The following FRS2 variants were observed in gnomAD, a reference collection of about 807,000 sequenced individuals.
The protein encoded by FRS2 is FGFR signalling adaptor.
FRS2 carries 8 observed loss-of-function variants against 43.9 expected under a neutral mutation model. The observed-to-expected ratio is 0.18, with a 90% CI of 0.11 to 0.33. The LOEUF is 0.33. Ranked by LOEUF, FRS2 falls within the 10% of genes least tolerant of loss-of-function variation. The pLI is 1.00. For synonymous variants in FRS2, 219 were observed against 220.3 expected (o/e 0.99, Z 0.05); for missense variants, 534 against 627.6 (o/e 0.85, Z 1.59).
At chr12:69,480,926 C>T (rs1484328020) in intron 1 of FRS2, among the ~76,000 whole-genome samples, 1 of 151,806 alleles carries the variant, frequency 6.6e-6, no homozygotes, top group Non-Finnish European at 1.5e-5. Context: ...GTTCTCGTAA[C>T]TTTATGTTAG....
chr12:69,549,695 A>T (rs557541275), intron 3 of FRS2, among the ~76,000 whole-genome samples: 1 of 152,324 alleles, frequency 6.6e-6, no homozygotes, highest in South Asian at 2.1e-4. Flanking sequence ...ATTCCATAAG[A>T]TGGAAATTTG....
chr12:69,576,799 C>A lies in FRS2; in HGVS notation c.*1844C>A, dbSNP rs1881221009. 6.6e-6 allele frequency: 1 copy of A among 152,364 alleles called. No homozygotes were observed. The highest frequency in any genetic ancestry group is 1.5e-5 in the Non-Finnish European group (1 of 67,996). 9.4% of individuals were successfully genotyped at this position (152,364 alleles called of 1,614,324 possible). A position where few individuals can be genotyped will look rare whatever the true frequency, so the allele number is the denominator to read the frequency against. On this transcript the variant is annotated 3_prime_UTR_variant, in exon 9 of 9. Coordinates refer to ENST00000549921, the MANE Select transcript of FRS2 (RefSeq NM_001278356.2). ...GTGCATAGCAGAATTTTCTTTTCTC[C>A]CTTTTGTTCCCCTGTGAACTTGGTG...
intron 1 of FRS2, among the ~76,000 whole-genome samples, chr12:69,526,793 G>A (rs1029919562): frequency 1.3e-5 from 2 of 151,500 alleles, no homozygotes; most frequent in Non-Finnish European, 2.9e-5. Flanking sequence ...GCACGATCTC[G>A]GCTCACTGCA....
At chr12:69,513,795 G>GT (rs1565737801) in intron 1 of FRS2, among the ~76,000 whole-genome samples, 1 of 152,174 alleles carries the variant, frequency 6.6e-6, no homozygotes, top group East Asian at 1.9e-4. Context: ...ACATAGGTTG[G>GT]TTTTAGGCAT....
At chr12:69,532,566 C>T (rs1010858033) in intron 3 of FRS2, among the ~76,000 whole-genome samples, 1 of 152,050 alleles carries the variant, frequency 6.6e-6, no homozygotes, top group Non-Finnish European at 1.5e-5. Context: ...TTTATAAACG[C>T]CTTAATTAGG....
In FRS2 at chr12:69,574,889, A is replaced by G. The variant is rs1183774697; in HGVS notation, c.1461A>G (p.Lys487=). The G allele has an allele frequency of 3.1e-6, 5 of 1,613,896 alleles. No homozygotes were observed. In the African/African-American group the frequency reaches 6.7e-5, roughly 22 times the overall value. Residue 487 remains lysine, a synonymous_variant, in exon 9 of 9, where the codon AAA becomes AAG. Coordinates refer to ENST00000549921, the MANE Select transcript of FRS2 (RefSeq NM_001278356.2). ...CTGCTGCTATGTCAAATTTGCAGAA[A>G]GCACTGCCACGAGATGATGGTACAT... is the stretch of plus-strand genomic sequence containing the variant. The part of the protein sequence containing the change: ...ERTAAMSNLQ[K]ALPRDDGTSR...
Position 69,574,149 on chromosome 12 carries a change from C to G in FRS2, c.721C>G (p.Gln241Glu). ...AAGTAGTATTGAGGACAGGGATCCT[C>G]AGATTCTTCTTGAACCTGAAGGAGT... ...EPSSIEDRDP[Q>E]ILLEPEGVKF... Residue 241 changes from glutamine (Q) to glutamate (E), a missense_variant, in exon 9 of 9, where the codon CAG becomes GAG. Around this residue, in one of 3 missense-constraint regions of FRS2, gnomAD observed 446 missense variants for 494.2 expected, o/e 0.90. Coordinates refer to ENST00000549921, the MANE Select transcript of FRS2 (RefSeq NM_001278356.2). The G allele has an allele frequency of 1.2e-6, 2 of 1,614,156 alleles. No homozygotes were observed. Among genetic ancestry groups the G allele is most frequent in the Non-Finnish European group, 1.7e-6 (2 of 1,179,980 alleles).
intron 1 of FRS2, among the ~76,000 whole-genome samples, chr12:69,478,168 T>C (rs1219343029): frequency 6.6e-6 from 1 of 152,180 alleles, no homozygotes; most frequent in Non-Finnish European, 1.5e-5. Flanking sequence ...TAAGAAGCTG[T>C]AGTTTCATAG....
intron 1 of FRS2, among the ~76,000 whole-genome samples, chr12:69,522,825 C>A (rs1406416285): frequency 6.6e-6 from 1 of 152,168 alleles, no homozygotes; most frequent in Non-Finnish European, 1.5e-5. Flanking sequence ...TTCTTGACTT[C>A]TGCTTTAATT....
At chr12:69,494,197 C>G (rs1441889904) in intron 1 of FRS2, among the ~76,000 whole-genome samples, 1 of 152,172 alleles carries the variant, frequency 6.6e-6, no homozygotes, top group Non-Finnish European at 1.5e-5. Flanking sequence ...GGTAAGGACT[C>G]TTATCTTCAA....
In FRS2 at chr12:69,483,608, C is replaced by T. The variant is rs577140681; in HGVS notation, c.-261+13078C>T. Among the ~76,000 whole-genome samples the T allele has an allele frequency of 5.6e-4, 85 of 152,044 alleles. 1 individual carries two copies. Among genetic ancestry groups the T allele is most frequent in the Middle Eastern group, 3.4e-3 (1 of 294 alleles). ...AGTATATACTCAATTTTGTTTGCTA[C>T]TTTTTACAAACTTTATATTAAGTAT... On this transcript the variant is annotated intron_variant, in intron 1 of 8. Coordinates refer to ENST00000549921, the MANE Select transcript of FRS2 (RefSeq NM_001278356.2).
At chr12:69,483,513 A>T (rs11177691) in intron 1 of FRS2, among the ~76,000 whole-genome samples, 59,284 of 151,960 alleles carry the variant, frequency 0.39, 12,253 homozygotes, top group South Asian at 0.58. Context: ...AAAATTCTTA[A>T]TTCTATCACT....
rs1354906904 is a variant in FRS2, at chr12:69,578,744, A to C, written c.*3789A>C. 2.0e-5 allele frequency: 3 copies of C among 152,718 alleles called. No individual in the cohort carries two copies. The East Asian group carries it at 5.8e-4, about 29-fold the overall frequency. 9.5% of individuals were successfully genotyped at this position (152,718 alleles called of 1,614,324 possible). ...ATTGTATGTCCTAATTTGCATTATAAATGTTTTTTTCCTACGTAAAGGCAT... is the reference window on the plus strand; with the variant it reads ...ATTGTATGTCCTAATTTGCATTATACATGTTTTTTTCCTACGTAAAGGCAT... On this transcript the variant is annotated 3_prime_UTR_variant, in exon 9 of 9. Transcript: ENST00000549921.
At chr12:69,570,544 T>A (rs1880663480) in intron 6 of FRS2, 27 bp downstream of exon 6, 1 of 1,408,802 alleles carries the variant, frequency 7.1e-7, no homozygotes, top group Non-Finnish European at 1.0e-6. Context: ...TTTTCCCAAA[T>A]ATTGTATTTG....
intron 3 of FRS2, among the ~76,000 whole-genome samples, chr12:69,558,515 C>T (rs1879621213): frequency 6.6e-6 from 1 of 152,166 alleles, no homozygotes; most frequent in African/African-American, 2.4e-5. Flanking sequence ...AAGGAACTAC[C>T]TGGTTCTCCT....
At chr12:69,537,435 T>G (rs774920943) in intron 3 of FRS2, among the ~76,000 whole-genome samples, 7 of 152,174 alleles carry the variant, frequency 4.6e-5, no homozygotes, top group Non-Finnish European at 1.0e-4. Context: ...ATGTCTTTAT[T>G]TCATCTTCAT....
intron 1 of FRS2, among the ~76,000 whole-genome samples, chr12:69,506,251 G>A (rs1592953814): frequency 6.6e-6 from 1 of 152,176 alleles, no homozygotes; most frequent in African/African-American, 2.4e-5. Context: ...CAGAAGTCTG[G>A]TTGGGGTTTG....
At chr12:69,473,315 G>A (rs1390453429) in intron 1 of FRS2, among the ~76,000 whole-genome samples, 1 of 152,230 alleles carries the variant, frequency 6.6e-6, no homozygotes, top group Non-Finnish European at 1.5e-5. Flanking sequence ...TGTTTCTACT[G>A]CATCATGTTG....
In FRS2 at chr12:69,520,416, T is replaced by C. The variant is rs1311070797; in HGVS notation, c.-260-10449T>C. Among the ~76,000 whole-genome samples the C allele has an allele frequency of 7.3e-5, 11 of 149,794 alleles. No homozygotes were observed. In the Admixed American group the frequency reaches 7.4e-4, roughly 10 times the overall value. On this transcript the variant is annotated intron_variant, in intron 1 of 8. Coordinates refer to ENST00000549921, the MANE Select transcript of FRS2 (RefSeq NM_001278356.2). The stretch of plus-strand genomic sequence containing the variant: ...TTTTTGCTGGGCAGAAGCCCTTTAA[T>C]GTAATTAGATCTCATATGTCAGTTT...
Sources: allele counts gnomAD v4.1 joint callset (sites outside exome capture counted in the v4.1 genomes callset), GRCh38; gene constraint gnomAD v4.1.1; regional missense constraint gnomAD v4.1.1; transcripts MANE v1.5; gene names NCBI Gene and HGNC (gene_info 2026-07-23, HGNC 2026-07-21).